Variants in POU6F2 observed in about 807,000 individuals in gnomAD.
POU6F2 encodes POU class 6 homeobox 2.
POU6F2 carries 31 observed loss-of-function variants against 71.3 expected under a neutral mutation model. The ratio of observed to expected loss-of-function variants is 0.43; its 90% CI spans 0.33 to 0.59. The LOEUF (loss-of-function observed/expected upper bound fraction) is 0.59, where lower values mean the gene tolerates loss of function less well. Among genes scored for constraint, POU6F2 ranks in the 20% least tolerant of loss-of-function variants. POU6F2 has a pLI of 0.04. For synonymous variants in POU6F2, 347 were observed against 355.7 expected, an observed-to-expected ratio of 0.98 and a Z score of 0.27; for missense variants, 783 against 856.8, an observed-to-expected ratio of 0.91 and a Z score of 1.07.
chr7:39,356,351 C>T (rs1264445735), intron 5 of POU6F2, among the ~76,000 whole-genome samples: 1 of 152,124 alleles, frequency 6.6e-6, no homozygotes, highest in African/African-American at 2.4e-5. Flanking sequence ...ATGCCCCTTG[C>T]CTGGAATGTC....
At chr7:38,997,408 A>G (rs1268380213) in intron 1 of POU6F2, among the ~76,000 whole-genome samples, 2 of 152,132 alleles carry the variant, frequency 1.3e-5, no homozygotes, top group African/African-American at 4.8e-5. Flanking sequence ...ATTTGTGTTT[A>G]CTTAAATCTT....
chr7:39,133,600 G>A (rs866266414), intron 2 of POU6F2, among the ~76,000 whole-genome samples: 143 of 152,320 alleles, frequency 9.4e-4, no homozygotes, highest in African/African-American at 3.2e-3. Context: ...ATTATCTTCT[G>A]CATTTGTTTA....
chr7:39,326,312 C>T (rs1466816378), intron 4 of POU6F2, among the ~76,000 whole-genome samples: 1 of 152,154 alleles, frequency 6.6e-6, no homozygotes, highest in Non-Finnish European at 1.5e-5. Flanking sequence ...CACAAAGAAC[C>T]GTTATCCAAG....
chr7:39,424,319 C>T (rs550819897), intron 6 of POU6F2, among the ~76,000 whole-genome samples: 1 of 152,142 alleles, frequency 6.6e-6, no homozygotes, highest in Non-Finnish European at 1.5e-5. Context: ...ACAATTGACT[C>T]CCCCATCTCC....
rs185119060 is a variant in POU6F2 at position 39,392,678 on chromosome 7, C to T, written c.973-13922C>T. On this transcript the variant is annotated intron_variant, in intron 5 of 9. Transcript: ENST00000518318. ...GTCTGGGACTACATTTTGAGAACCA[C>T]GGATGTAGTTCAACCTTCTCAATTT... 8.5e-5 allele frequency among the ~76,000 whole-genome samples: 13 copies of T among 152,292 alleles called. 1 individual carries two copies. The East Asian group carries it at 2.3e-3, about 27-fold the overall frequency.
At chr7:39,386,191 G>A (rs1466264399) in intron 5 of POU6F2, among the ~76,000 whole-genome samples, 2 of 151,776 alleles carry the variant, frequency 1.3e-5, no homozygotes, top group Non-Finnish European at 1.5e-5. Flanking sequence ...TCCCCGTGGG[G>A]CTGCCAGAGA....
chr7:39,411,533 G>A (rs1285369821), intron 6 of POU6F2, among the ~76,000 whole-genome samples: 1 of 149,780 alleles, frequency 6.7e-6, no homozygotes, highest in Non-Finnish European at 1.5e-5. Flanking sequence ...AGCCAGTCAA[G>A]GGGGGGGAAG....
intron 1 of POU6F2, among the ~76,000 whole-genome samples, chr7:39,067,103 A>AT (rs912217396): frequency 2.7e-5 from 4 of 149,740 alleles, no homozygotes; most frequent in South Asian, 2.1e-4. Flanking sequence ...TATATATGGC[A>AT]TTATATATCA....
chr7:39,136,920 T>C (rs556693371), intron 2 of POU6F2, among the ~76,000 whole-genome samples: 1 of 146,090 alleles, frequency 6.8e-6, no homozygotes, highest in South Asian at 2.2e-4. Context: ...GAGGCTGAGA[T>C]GGGAGGATCA....
intron 4 of POU6F2, among the ~76,000 whole-genome samples, chr7:39,253,619 G>T (rs1783966379): frequency 6.6e-6 from 1 of 152,158 alleles, no homozygotes; most frequent in South Asian, 2.1e-4. Flanking sequence ...TAAATGAGAA[G>T]CATGTAATGT....
At chr7:39,183,137 A>G (rs1438654010) in intron 2 of POU6F2, among the ~76,000 whole-genome samples, 6 of 152,182 alleles carry the variant, frequency 3.9e-5, no homozygotes, top group African/African-American at 1.4e-4. Flanking sequence ...TCATAGGAGC[A>G]TGAACCCTAT....
chr7:39,085,597 C>G (rs898728411), intron 1 of POU6F2, among the ~76,000 whole-genome samples: 6 of 148,412 alleles, frequency 4.0e-5, no homozygotes, highest in Admixed American at 4.0e-4. Flanking sequence ...TTTTTTTCCT[C>G]CGAAGCCTCC....
chr7:38,989,948 C>T (rs1788563776), intron 1 of POU6F2, among the ~76,000 whole-genome samples: 1 of 151,930 alleles, frequency 6.6e-6, no homozygotes, highest in South Asian at 2.1e-4. Flanking sequence ...GCCTCAGGAA[C>T]TCTTTTATCT....
chr7:39,030,821 C>T (rs1789924691), intron 1 of POU6F2, among the ~76,000 whole-genome samples: 1 of 151,648 alleles, frequency 6.6e-6, no homozygotes, highest in Non-Finnish European at 1.5e-5. Flanking sequence ...CCCACCAATA[C>T]ATGAGAGCAC....
chr7:39,049,075 A>G (rs890204613), intron 1 of POU6F2, among the ~76,000 whole-genome samples: 3 of 151,786 alleles, frequency 2.0e-5, no homozygotes, highest in African/African-American at 4.8e-5. Context: ...TATTTTGGCA[A>G]TTTGTGCTTT....
chr7:39,457,034 C>T (rs1788821848), intron 8 of POU6F2, among the ~76,000 whole-genome samples: 1 of 152,208 alleles, frequency 6.6e-6, no homozygotes, highest in African/African-American at 2.4e-5. Context: ...AAGTCCACAG[C>T]TTCCTTTTCA....
At chr7:39,036,988 A>C (rs1056801983) in intron 1 of POU6F2, among the ~76,000 whole-genome samples, 8 of 151,866 alleles carry the variant, frequency 5.3e-5, no homozygotes, top group African/African-American at 1.7e-4. Flanking sequence ...TATACAGACT[A>C]TTTCATCACC....
At chr7:39,453,516 C>G (rs756214307) in intron 8 of POU6F2, among the ~76,000 whole-genome samples, 2 of 152,108 alleles carry the variant, frequency 1.3e-5, no homozygotes, top group Admixed American at 6.5e-5. Flanking sequence ...TACAAACAAC[C>G]TCCTACTAAT....
At chr7:39,229,875 G>A (rs1005329294) in intron 4 of POU6F2, among the ~76,000 whole-genome samples, 30 of 152,118 alleles carry the variant, frequency 2.0e-4, no homozygotes, top group African/African-American at 7.0e-4. Context: ...GTTCGTGTGT[G>A]GACTCACATG....
Sources: gnomAD v4.1 joint callset for allele counts (sites outside exome capture counted in the v4.1 genomes callset) on GRCh38, gnomAD v4.1.1 for gene constraint, MANE v1.5 for transcripts, NCBI Gene and HGNC (gene_info 2026-07-23, HGNC 2026-07-21) for gene names.